Variants in ROPN1L observed in about 807,000 individuals in gnomAD.
ROPN1L encodes the protein rhophilin associated tail protein 1 like.
ROPN1L carries 23 observed loss-of-function variants against 22.7 expected under a neutral mutation model. The ratio of observed to expected loss-of-function variants is 1.01; its 90% CI spans 0.73 to 1.43. ROPN1L has a LOEUF of 1.43. ROPN1L is among the 40% of genes most tolerant of loss of function. ROPN1L has a pLI of 0.00. For synonymous variants in ROPN1L, 116 were observed against 117.8 expected, an observed-to-expected ratio of 0.98 and a Z score of 0.10; for missense variants, 271 against 291.5, an observed-to-expected ratio of 0.93 and a Z score of 0.51.
downstream of ROPN1L, among the ~76,000 whole-genome samples, chr5:10,465,629 C>G (rs1339174384): frequency 1.3e-5 from 2 of 151,942 alleles, no homozygotes; most frequent in Admixed American, 1.3e-4. Flanking sequence ...GTGGGAGGAT[C>G]ACTTGAGTCA....
chr5:10,446,378 G>A (rs1350717480), intron 1 of ROPN1L, among the ~76,000 whole-genome samples: 4 of 152,206 alleles, frequency 2.6e-5, no homozygotes, highest in Non-Finnish European at 5.9e-5. Flanking sequence ...ATGTCTCCAG[G>A]CCGGGTGCGG....
downstream of ROPN1L, among the ~76,000 whole-genome samples, chr5:10,465,241 C>T (rs1481275457): frequency 1.3e-5 from 2 of 152,128 alleles, no homozygotes; most frequent in Non-Finnish European, 2.9e-5. Flanking sequence ...TTGGGCCGGG[C>T]GCGTTGGCTC....
At chr5:10,453,565 C>G (rs183226549) in intron 3 of ROPN1L, among the ~76,000 whole-genome samples, 1 of 152,344 alleles carries the variant, frequency 6.6e-6, no homozygotes, top group Non-Finnish European at 1.5e-5. Flanking sequence ...GGATTACCAC[C>G]TGCAGAAGTT....
chr5:10,446,739 G>A (rs1358987132), intron 1 of ROPN1L, among the ~76,000 whole-genome samples: 1 of 151,826 alleles, frequency 6.6e-6, no homozygotes, highest in African/African-American at 2.4e-5. Context: ...GAAAGAGGAG[G>A]AGCATTATCC....
rs544266382 is a variant in ROPN1L, at chr5:10,462,442, G to A, written c.593+1083G>A. ...CAAGCAGCACCTCAGAAGGGAGCCCGACCTCTCCCGTGGCTCCCACCCATG... is the reference window on the plus strand; with the variant it reads ...CAAGCAGCACCTCAGAAGGGAGCCCAACCTCTCCCGTGGCTCCCACCCATG... On this transcript the variant is annotated intron_variant, in intron 4 of 4. Transcript: ENST00000274134. Among the ~76,000 whole-genome samples the A allele has an allele frequency of 7.2e-5, 11 of 152,306 alleles. No individual in the cohort carries two copies. In the East Asian group the frequency reaches 7.7e-4, roughly 11 times the overall value.
At chr5:10,459,521 C>G (rs1284677401) in intron 3 of ROPN1L, among the ~76,000 whole-genome samples, 1 of 152,096 alleles carries the variant, frequency 6.6e-6, no homozygotes, top group Non-Finnish European at 1.5e-5. Flanking sequence ...GTAAAGACCT[C>G]CGTGATCTGC....
rs746213849 is a variant in ROPN1L, at chr5:10,449,951, G to A, written c.256-1G>A. 1.2e-6 allele frequency: 2 copies of A among 1,604,416 alleles called. No individual in the cohort carries two copies. Among genetic ancestry groups the A allele is most frequent in the South Asian group, 2.2e-5 (2 of 89,190 alleles). Reference sequence around the variant, plus strand: ...ATTGTCATGCTGTGTTTTCCAAACAGTGTCACCACAAGCGGTATGTGGAAT... The same window carrying A: ...ATTGTCATGCTGTGTTTTCCAAACAATGTCACCACAAGCGGTATGTGGAAT... On this transcript the variant is annotated splice_acceptor_variant, in intron 2 of 4. Coordinates refer to ENST00000274134, the MANE Select transcript of ROPN1L (RefSeq NM_031916.5). LOFTEE classifies it high-confidence loss of function.
chr5:10,471,186 G>A (rs1313880086), intron 4 of ROPN1L, among the ~76,000 whole-genome samples: 2 of 152,130 alleles, frequency 1.3e-5, no homozygotes, highest in Non-Finnish European at 2.9e-5. Context: ...TGCCCAGGCT[G>A]GAGTGCAGTA....
chr5:10,465,569 G>T (rs1735140065), downstream of ROPN1L, among the ~76,000 whole-genome samples: 3 of 152,010 alleles, frequency 2.0e-5, no homozygotes, highest in South Asian at 4.2e-4. Context: ...GGGCTTTTTG[G>T]TCAGGCGCAG....
At chr5:10,473,582 A>G (rs551372765), downstream of ROPN1L, among the ~76,000 whole-genome samples, 2 of 152,284 alleles carry the variant, frequency 1.3e-5, no homozygotes, top group African/African-American at 2.4e-5. Context: ...GAAGCCACCA[A>G]GTTTGTGGTA....
chr5:10,464,922 A>C lies in ROPN1L; in HGVS notation c.668A>C (p.Glu223Ala). ...FPKRKLLESI[E>A]NSEDVGH is the part of the protein sequence containing the mutation. ...AAGAGGAAACTTTTAGAAAGCATTGAAAACTCTGAAGATGTAGGCCATTAA... is the reference window on the plus strand; with the variant it reads ...AAGAGGAAACTTTTAGAAAGCATTGCAAACTCTGAAGATGTAGGCCATTAA... The change falls in exon 5 of 5, where the codon GAA (glutamate) becomes GCA (alanine). Residue 223 changes from glutamate to alanine, a missense_variant. Glu to Ala is a moderately radical substitution (Grantham distance 107, BLOSUM62 -1). Transcript: ENST00000274134. The C allele has an allele frequency of 6.2e-7, 1 of 1,602,808 alleles. No homozygotes were observed. Among genetic ancestry groups the C allele is most frequent in the Non-Finnish European group, 8.5e-7 (1 of 1,173,552 alleles).
Position 10,446,167 on chromosome 5 carries a change from G to A in ROPN1L, c.132-2093G>A, listed in dbSNP as rs138136598. 2.2e-4 allele frequency among the ~76,000 whole-genome samples: 33 copies of A among 152,352 alleles called. No individual in the cohort carries two copies. In the East Asian group the frequency reaches 6.0e-3, roughly 28 times the overall value. The stretch of plus-strand genomic sequence containing the variant: ...CAAGTAATAGAGGCTGCTTTGGTTG[G>A]CGTGTGCCTCAAGGAACTGGCAGAG... On this transcript the variant is annotated intron_variant, in intron 1 of 4. Coordinates refer to ENST00000274134, the MANE Select transcript of ROPN1L (RefSeq NM_031916.5).
At chr5:10,472,521 G>A (rs191462675), downstream of ROPN1L, among the ~76,000 whole-genome samples, 4 of 152,190 alleles carry the variant, frequency 2.6e-5, no homozygotes, top group African/African-American at 9.7e-5. Context: ...TGATTAAAAA[G>A]CTTATTAGGA....
At position 10,448,478 on chromosome 5, in the gene ROPN1L, A is replaced by G; in HGVS notation, c.255+95A>G. 2.8e-6 allele frequency: 4 copies of G among 1,437,728 alleles called. No individual in the cohort carries two copies. In the Admixed American group the frequency reaches 8.4e-5, roughly 30 times the overall value. The allele number at this position is 1,437,728 out of a possible 1,614,324, so 89.1% of individuals were successfully genotyped here. ...ATGACAGAGCGGGGCACACCCCAGC[A>G]ATGTATTTCAAACCTCCTGAGGTCC... On this transcript the variant is annotated intron_variant, in intron 2 of 4. Transcript: ENST00000274134.
At chr5:10,478,960 TCACCAATATTTGCAGCCTCTTGTC>T in the ROPN1L span, among the ~76,000 whole-genome samples, 9 of 152,236 alleles carry the variant, frequency 5.9e-5, no homozygotes, top group African/African-American at 2.2e-4. Flanking sequence ...GATGATGTTT[TCACCAATATTTGCAGCCTCTTGTC>T]CACACAGAAG....
Position 10,442,011 on chromosome 5 carries a change from C to A in ROPN1L, c.-157C>A. 1 of 979,428 alleles carries A rather than the reference C, an allele frequency of 1.0e-6. No homozygotes were observed. The highest frequency in any genetic ancestry group is 1.5e-6 in the Non-Finnish European group (1 of 668,292). The allele number at this position is 979,428 out of a possible 1,614,324, so 60.7% of individuals were successfully genotyped here. ...AAGCCCGCGGAGGAGCGGGTAAGAG[C>A]CCCGCGAATCCGGCCCCAACCTCGG... On this transcript the variant is annotated 5_prime_UTR_variant, in exon 1 of 5. Coordinates refer to ENST00000274134, the MANE Select transcript of ROPN1L (RefSeq NM_031916.5).
At position 10,457,212 on chromosome 5, in the gene ROPN1L, C is replaced by A. The variant is rs191206648; in HGVS notation, c.418-3972C>A. ...GTTGCCCTGGGAGCTGCACTCACCCCCTAACCGTGCCGTCCACCTCGGCAG... is the reference window on the plus strand; with the variant it reads ...GTTGCCCTGGGAGCTGCACTCACCCACTAACCGTGCCGTCCACCTCGGCAG... On this transcript the variant is annotated intron_variant, in intron 3 of 4. Coordinates refer to ENST00000274134, the MANE Select transcript of ROPN1L (RefSeq NM_031916.5). 3.9e-5 allele frequency among the ~76,000 whole-genome samples: 6 copies of A among 152,290 alleles called. No individual in the cohort carries two copies. In the South Asian group the frequency reaches 1.2e-3, roughly 32 times the overall value.
chr5:10,463,990 G>A (rs189031339), intron 4 of ROPN1L, among the ~76,000 whole-genome samples: 231 of 152,284 alleles, frequency 1.5e-3, no homozygotes, highest in African/African-American at 5.4e-3. Flanking sequence ...CTAGGATGCA[G>A]GCCACAGCAC....
chr5:10,477,228 G>A, the ROPN1L span, among the ~76,000 whole-genome samples: 3 of 152,166 alleles, frequency 2.0e-5, no homozygotes, highest in Non-Finnish European at 4.4e-5. Context: ...CTGACCCCGG[G>A]TCTATGCAGT....
Sources: gnomAD v4.1 joint callset for allele counts (sites outside exome capture counted in the v4.1 genomes callset) on GRCh38, gnomAD v4.1.1 for gene constraint, MANE v1.5 for transcripts, NCBI Gene and HGNC (gene_info 2026-07-23, HGNC 2026-07-21) for gene names.